Variants in PLCH1 observed in about 807,000 individuals in gnomAD.
The protein encoded by PLCH1 is phospholipase C eta 1.
Under a neutral mutation model 126.7 loss-of-function variants are expected in PLCH1, and 60 were observed. The observed-to-expected ratio is 0.47, with a 90% CI of 0.38 to 0.59. The LOEUF (loss-of-function observed/expected upper bound fraction) is 0.59, where lower values mean the gene tolerates loss of function less well. PLCH1 is among the 20% of genes least tolerant of loss of function. The probability of loss-of-function intolerance (pLI) is 0.00; values close to 1 mark genes in which losing one functional copy is unlikely to be tolerated. For missense variants in PLCH1, 1,723 were observed against 2,040.0 expected, an observed-to-expected ratio of 0.84 and a Z score of 2.99; for synonymous variants, 719 against 734.9, an observed-to-expected ratio of 0.98 and a Z score of 0.35.
At chr3:155,701,194 G>A (rs181831457) in intron 2 of PLCH1, among the ~76,000 whole-genome samples, 1 of 152,286 alleles carries the variant, frequency 6.6e-6, no homozygotes, top group Non-Finnish European at 1.5e-5. Flanking sequence ...CCGGACATAA[G>A]CAGACTCTTA....
chr3:155,577,991 G>T (rs536350154), intron 6 of PLCH1, among the ~76,000 whole-genome samples: 1 of 152,148 alleles, frequency 6.6e-6, no homozygotes, highest in Non-Finnish European at 1.5e-5. Context: ...CCCTTTGCAT[G>T]GATCAGGAAA....
intron 6 of PLCH1, among the ~76,000 whole-genome samples, chr3:155,573,821 G>A (rs1365607127): frequency 6.6e-6 from 1 of 152,146 alleles, no homozygotes; most frequent in Admixed American, 6.5e-5. Context: ...CATATGTACA[G>A]GAATATGGCA....
At position 155,485,425 on chromosome 3, in the gene PLCH1, G is replaced by A. The variant is rs1714900943; in HGVS notation, c.2905C>T (p.Leu969Phe). The A allele has an allele frequency of 2.5e-6, 4 of 1,611,690 alleles. No homozygotes were observed. Among genetic ancestry groups the A allele is most frequent in the Non-Finnish European group, 3.4e-6 (4 of 1,177,986 alleles). ...ACAGGCAGCGACAAAGCTCCCAGAA[G>A]GTTTCTGTCAACAGGCATAGAGACA... ...RPVSMPVDRNLLGALSLPVSE... is the reference protein window; with the variant it reads ...RPVSMPVDRNFLGALSLPVSE... The change falls in exon 22 of 23, where the codon CTT (leucine) becomes TTT (phenylalanine). Residue 969 changes from leucine (L) to phenylalanine (F), a missense_variant. Physicochemically the swap from Leu to Phe is conservative, Grantham distance 22. Around this residue, in one of 2 missense-constraint regions of PLCH1, gnomAD observed 947 missense variants for 977.1 expected, o/e 0.97. Coordinates refer to ENST00000460012, the MANE Select transcript of PLCH1 (RefSeq NM_014996.4).
chr3:155,478,433 TA>T (rs1713641925), downstream of PLCH1, among the ~76,000 whole-genome samples: 2 of 152,170 alleles, frequency 1.3e-5, no homozygotes, highest in Non-Finnish European at 2.9e-5. Context: ...AGTCAAAGGA[TA>T]AATGCTTGAG....
intron 4 of PLCH1, among the ~76,000 whole-genome samples, chr3:155,591,643 A>G (rs977992879): frequency 1.9e-4 from 29 of 152,240 alleles, no homozygotes; most frequent in African/African-American, 7.0e-4. Flanking sequence ...TTATAAATAA[A>G]CACATTTTTA....
At chr3:155,672,683 C>T (rs1191154081) in intron 2 of PLCH1, among the ~76,000 whole-genome samples, 1 of 152,182 alleles carries the variant, frequency 6.6e-6, no homozygotes, top group Non-Finnish European at 1.5e-5. Flanking sequence ...TTACTAAGAA[C>T]AGAAGTGTTA....
intron 11 of PLCH1, among the ~76,000 whole-genome samples, chr3:155,516,615 G>A (rs981226112): frequency 2.6e-5 from 4 of 152,050 alleles, no homozygotes; most frequent in South Asian, 2.1e-4. Flanking sequence ...ATCTGGCAGC[G>A]TATGCCAAAA....
At chr3:155,688,962 G>A (rs924600849) in intron 2 of PLCH1, among the ~76,000 whole-genome samples, 8 of 152,202 alleles carry the variant, frequency 5.3e-5, no homozygotes, top group South Asian at 2.1e-4. Context: ...GCCTGGGGCC[G>A]GGGGGGATCT....
chr3:155,483,224 G>A lies in PLCH1; in HGVS notation c.2975-173C>T, dbSNP rs532376730. ...AAAGTGTCTGTGTGATGAATAAATG[G>A]TAAAATATATTTATAGGAATTTCAC... On this transcript the variant is annotated intron_variant, in intron 22 of 22. Coordinates refer to ENST00000460012, the MANE Select transcript of PLCH1 (RefSeq NM_014996.4). 58 of 879,476 alleles carry A rather than the reference G, an allele frequency of 6.6e-5. No homozygotes were observed. In the East Asian group the frequency reaches 1.4e-3, roughly 22 times the overall value. 54.5% of individuals were successfully genotyped at this position (879,476 alleles called of 1,614,324 possible). A position where few individuals can be genotyped will look rare whatever the true frequency, so the allele number is the denominator to read the frequency against.
intron 6 of PLCH1, among the ~76,000 whole-genome samples, chr3:155,581,648 G>C (rs569443164): frequency 5.0e-4 from 76 of 152,132 alleles, no homozygotes; most frequent in South Asian, 3.7e-3. Flanking sequence ...GCTTGGAAGA[G>C]AGAAATGGAG....
intron 2 of PLCH1, chr3:155,658,322 C>A: frequency 5.3e-6 from 1 of 187,006 alleles, no homozygotes; most frequent in South Asian, 1.2e-4. Context: ...CAATCAAGTT[C>A]CTCTGTGAGG....
chr3:155,574,072 C>A (rs1206285274), intron 6 of PLCH1, among the ~76,000 whole-genome samples: 1 of 152,068 alleles, frequency 6.6e-6, no homozygotes. Flanking sequence ...CATCACCACG[C>A]CCAGATAATT....
intron 10 of PLCH1, among the ~76,000 whole-genome samples, chr3:155,545,961 C>T (rs1411698156): frequency 6.6e-6 from 1 of 151,654 alleles, no homozygotes; most frequent in Non-Finnish European, 1.5e-5. Context: ...GGAAGCATTC[C>T]CTTTGAAAAC....
chr3:155,489,826 G>A (rs888565708), intron 19 of PLCH1, among the ~76,000 whole-genome samples: 1 of 151,974 alleles, frequency 6.6e-6, no homozygotes. Context: ...TATGCATTTC[G>A]GAGGTATCAA....
intron 2 of PLCH1, among the ~76,000 whole-genome samples, chr3:155,654,764 C>T (rs781331113): frequency 1.2e-4 from 19 of 152,178 alleles, no homozygotes; most frequent in Non-Finnish European, 2.4e-4. Context: ...CCTCTCATCT[C>T]ATAGTAAGTC....
chr3:155,549,553 TTGA>T (rs1725830071), intron 10 of PLCH1, among the ~76,000 whole-genome samples: 1 of 152,204 alleles, frequency 6.6e-6, no homozygotes, highest in Non-Finnish European at 1.5e-5. Context: ...GCTTACAGTA[TTGA>T]TGTTTCCACT....
chr3:155,731,063 T>G (rs1008694547), intron 1 of PLCH1, among the ~76,000 whole-genome samples: 1 of 152,206 alleles, frequency 6.6e-6, no homozygotes, highest in Non-Finnish European at 1.5e-5. Context: ...GGACTTGTTC[T>G]CCAGGTTTGC....
intron 2 of PLCH1, among the ~76,000 whole-genome samples, chr3:155,698,737 C>A (rs932884152): frequency 3.3e-5 from 5 of 152,086 alleles, no homozygotes; most frequent in Non-Finnish European, 7.3e-5. Context: ...AAGTGTCACA[C>A]CTGGGTCAGG....
chr3:155,479,560 GACCACC>G (rs1351443904), downstream of PLCH1, among the ~76,000 whole-genome samples: 2 of 149,844 alleles, frequency 1.3e-5, no homozygotes, highest in South Asian at 2.1e-4. Context: ...CCCCACCCAC[GACCACC>G]ACCACCACCA....
Sources: gnomAD v4.1 joint callset for allele counts (sites outside exome capture counted in the v4.1 genomes callset) on GRCh38, gnomAD v4.1.1 for gene constraint, gnomAD v4.1.1 regional missense constraint, MANE v1.5 for transcripts, NCBI Gene and HGNC (gene_info 2026-07-23, HGNC 2026-07-21) for gene names.